Variants in CD200R1 observed in about 807,000 individuals in gnomAD.
CD200R1 encodes cell surface glycoprotein CD200 receptor 1.
In CD200R1, 30 loss-of-function variants were observed where a neutral mutation model predicts 38.1. The observed-to-expected ratio is 0.79, with a 90% CI of 0.59 to 1.07. CD200R1 has a LOEUF of 1.07. Among genes scored for constraint, CD200R1 ranks in the 50% least tolerant of loss-of-function variants. The pLI is 0.00. For synonymous variants in CD200R1, 128 were observed against 152.1 expected, an observed-to-expected ratio of 0.84 and a Z score of 1.16; for missense variants, 372 against 415.4, an observed-to-expected ratio of 0.90 and a Z score of 0.91.
intron 2 of CD200R1, among the ~76,000 whole-genome samples, chr3:112,942,311 A>C (rs1451019450): frequency 6.6e-6 from 1 of 151,714 alleles, no homozygotes; most frequent in Non-Finnish European, 1.5e-5. Context: ...TGATACAAGG[A>C]AAGGAAGGAA....
At chr3:112,962,303 A>T (rs1194221171) in intron 1 of CD200R1, among the ~76,000 whole-genome samples, 1 of 152,200 alleles carries the variant, frequency 6.6e-6, no homozygotes, top group Non-Finnish European at 1.5e-5. Flanking sequence ...ATCACAAAGG[A>T]CAATACATTC....
chr3:112,925,825 A>G (rs1287640082), intron 5 of CD200R1, among the ~76,000 whole-genome samples: 1 of 152,184 alleles, frequency 6.6e-6, no homozygotes, highest in East Asian at 1.9e-4. Context: ...AGATCATTCA[A>G]TAATGTCTCA....
chr3:112,945,926 C>T (rs539240925), intron 2 of CD200R1, among the ~76,000 whole-genome samples: 15 of 149,472 alleles, frequency 1.0e-4, no homozygotes, highest in South Asian at 2.1e-4. Context: ...TACTCTACTC[C>T]GGAGGCTGAG....
intron 7 of CD200R1, 73 bp from the exon 8 acceptor site, chr3:112,923,872 G>T: frequency 3.2e-6 from 3 of 926,128 alleles, no homozygotes; most frequent in Non-Finnish European, 4.9e-6. Context: ...TGTAACAGTT[G>T]CCCATAGCTT....
chr3:112,960,698 A>T lies in CD200R1; in HGVS notation c.68-12774T>A, dbSNP rs567767236. ...GAGTAACTATACCTCAAAGGGAATA[A>T]CTATACCTCAAAAGATAATGACTAC... On this transcript the variant is annotated intron_variant, in intron 1 of 7. Coordinates refer to ENST00000308611, the MANE Select transcript of CD200R1 (RefSeq NM_138806.4). Among the ~76,000 whole-genome samples the T allele has an allele frequency of 1.3e-4, 20 of 152,174 alleles. No individual in the cohort carries two copies. In the South Asian group the frequency reaches 3.9e-3, roughly 30 times the overall value.
In CD200R1 at chr3:112,929,416, T is replaced by C; in HGVS notation, c.294A>G (p.Glu98=). 6.2e-7 allele frequency: 1 copy of C among 1,613,970 alleles called. No homozygotes were observed. Among genetic ancestry groups the C allele is most frequent in the South Asian group, 1.1e-5 (1 of 91,074 alleles). Residue 98 remains glutamate, a synonymous_variant, in exon 4 of 8, where the codon GAA becomes GAG. Transcript: ENST00000308611. ...AGGAAGGCTGGCCTCTCAGGATTAT[T>C]TCCCATGTTATTATGATCAAATTTC... The part of the protein sequence containing the change: ...ALRNLIIITW[E]IILRGQPSCT...
At chr3:112,939,853 C>CA (rs1940682894) in intron 2 of CD200R1, among the ~76,000 whole-genome samples, 1 of 70,526 alleles carries the variant, frequency 1.4e-5, no homozygotes, top group South Asian at 4.7e-4. Flanking sequence ...CCATACTGAG[C>CA]AAAAAACAAA....
At position 112,928,978 on chromosome 3, in the gene CD200R1, A is replaced by G. The variant is rs1940348415; in HGVS notation, c.607T>C (p.Trp203Arg). 2 of 1,614,014 alleles carry G rather than the reference A, an allele frequency of 1.2e-6. No homozygotes were observed. The highest frequency in any genetic ancestry group is 2.2e-5 in the East Asian group (1 of 44,870). The stretch of plus-strand genomic sequence containing the variant: ...GTGGCACAATCGCCCTCTGGGATCC[A>G]GGAGATATGCGCAGCTGGCTTCCCT... ...VAGKPAAHIS[W>R]IPEGDCATKQ... Residue 203 changes from tryptophan (W) to arginine (R), a missense_variant, in exon 5 of 8, where the codon TGG becomes CGG. Transcript: ENST00000308611.
chr3:112,946,076 T>TA (rs1463858582), intron 2 of CD200R1, among the ~76,000 whole-genome samples: 1 of 138,722 alleles, frequency 7.2e-6, no homozygotes, highest in Non-Finnish European at 1.6e-5. Flanking sequence ...ATAAGCCACA[T>TA]ACTAAAAAAA....
intron 1 of CD200R1, among the ~76,000 whole-genome samples, chr3:112,963,010 A>G (rs1319430271): frequency 6.6e-6 from 1 of 152,178 alleles, no homozygotes; most frequent in Non-Finnish European, 1.5e-5. Flanking sequence ...CATGATAGTG[A>G]TTAAGTCTCA....
chr3:112,941,326 A>C (rs146904777), intron 2 of CD200R1, among the ~76,000 whole-genome samples: 15 of 151,840 alleles, frequency 9.9e-5, no homozygotes, highest in African/African-American at 3.4e-4. Flanking sequence ...AACACAAGGA[A>C]ATGTTTGAAG....
chr3:112,935,834 T>C (rs907731456), intron 2 of CD200R1, among the ~76,000 whole-genome samples: 2 of 152,192 alleles, frequency 1.3e-5, no homozygotes, highest in African/African-American at 2.4e-5. Context: ...ATAGGTAGGA[T>C]GTGCAGGTTT....
At chr3:112,942,600 T>C (rs565161739) in intron 2 of CD200R1, among the ~76,000 whole-genome samples, 15 of 151,716 alleles carry the variant, frequency 9.9e-5, no homozygotes, top group African/African-American at 3.6e-4. Context: ...ACAACTGTGG[T>C]AGATATTAAT....
chr3:112,939,647 C>A (rs114931380), intron 2 of CD200R1, among the ~76,000 whole-genome samples: 1 of 151,502 alleles, frequency 6.6e-6, no homozygotes, highest in Non-Finnish European at 1.5e-5. Flanking sequence ...TAAGAAGACA[C>A]AAAAAATAGA....
Position 112,937,309 on chromosome 3 carries a change from T to C in CD200R1, c.137-6138A>G, listed in dbSNP as rs192941910. Among the ~76,000 whole-genome samples the C allele has an allele frequency of 4.2e-3, 647 of 152,246 alleles. 8 individuals are homozygous for C. The highest frequency in any genetic ancestry group is 0.015 in the African/African-American group (614 of 41,544). On this transcript the variant is annotated intron_variant, in intron 2 of 7. Coordinates refer to ENST00000308611, the MANE Select transcript of CD200R1 (RefSeq NM_138806.4). ...ATTACCTCCCAGCAGGTCCCTCCCA[T>C]GACACATGGAGATTATAGAAACTAC...
At chr3:112,956,904 G>A (rs1481955991) in intron 1 of CD200R1, among the ~76,000 whole-genome samples, 2 of 152,212 alleles carry the variant, frequency 1.3e-5, no homozygotes, top group Non-Finnish European at 2.9e-5. Context: ...AGCTGGCAGT[G>A]ATGCAAGGTG....
chr3:112,950,297 G>C (rs1940948488), intron 1 of CD200R1, among the ~76,000 whole-genome samples: 1 of 151,828 alleles, frequency 6.6e-6, no homozygotes, highest in Admixed American at 6.6e-5. Context: ...AGCTACTTGG[G>C]AGGCTGATGC....
intron 1 of CD200R1, among the ~76,000 whole-genome samples, chr3:112,973,102 C>A (rs1161566109): frequency 6.6e-6 from 1 of 152,156 alleles, no homozygotes; most frequent in Non-Finnish European, 1.5e-5. Context: ...ACCTTTCAAC[C>A]TTTAAAATTG....
chr3:112,940,061 A>G (rs1208036948), intron 2 of CD200R1, among the ~76,000 whole-genome samples: 1 of 151,984 alleles, frequency 6.6e-6, no homozygotes. Flanking sequence ...AAGAACATAC[A>G]TTTGGGAAAG....
Sources: allele counts gnomAD v4.1 joint callset (sites outside exome capture counted in the v4.1 genomes callset), GRCh38; gene constraint gnomAD v4.1.1; transcripts MANE v1.5; gene names NCBI Gene and HGNC (gene_info 2026-07-23, HGNC 2026-07-21).